SMARCAD1: variants seen among roughly 807,000 people sequenced by gnomAD.
SMARCAD1 encodes SWI/SNF-related matrix-associated actin-dependent regulator of chromatin subfamily A containing DEAD/H box 1.
In SMARCAD1, 25 loss-of-function variants were observed where a neutral mutation model predicts 127.1. The ratio of observed to expected loss-of-function variants is 0.20; its 90% CI spans 0.14 to 0.27. The LOEUF (loss-of-function observed/expected upper bound fraction) is 0.27. Ranked by LOEUF, SMARCAD1 falls within the 10% of genes least tolerant of loss-of-function variation. SMARCAD1 has a pLI of 1.00. For synonymous variants in SMARCAD1, 400 were observed against 396.9 expected, an observed-to-expected ratio of 1.01 and a Z score of -0.09; for missense variants, 807 against 1,206.0, an observed-to-expected ratio of 0.67 and a Z score of 4.90.
In SMARCAD1 at chr4:94,284,905, A is replaced by G; in HGVS notation, c.2910-55A>G. On this transcript the variant is annotated intron_variant, in intron 22 of 23. Transcript: ENST00000354268. ...TTGAACTCTTAAATATAGTTTACAT[A>G]TATCCAAATAACTATATTTAGTAAC... is the stretch of plus-strand genomic sequence containing the variant. 3 of 1,025,150 alleles carry G rather than the reference A, an allele frequency of 2.9e-6. 1 individual carries two copies. The South Asian group carries it at 3.9e-5, about 13-fold the overall frequency. 63.5% of individuals were successfully genotyped at this position (1,025,150 alleles called of 1,614,324 possible). A position where few individuals can be genotyped will look rare whatever the true frequency, so the allele number is the denominator to read the frequency against.
At chr4:94,268,317 T>A (rs992618627) in intron 10 of SMARCAD1, among the ~76,000 whole-genome samples, 1 of 152,188 alleles carries the variant, frequency 6.6e-6, no homozygotes. Flanking sequence ...GACAGTTAAA[T>A]AGACTCTTTT....
chr4:94,241,742 T>C (rs1020422739), intron 6 of SMARCAD1, among the ~76,000 whole-genome samples: 11 of 152,198 alleles, frequency 7.2e-5, no homozygotes, highest in Non-Finnish European at 1.6e-4. Flanking sequence ...CGTTGGCCTC[T>C]GTTCCTTGCA....
intron 20 of SMARCAD1, 143 bp downstream of exon 20, chr4:94,280,923 C>T (rs567747883): frequency 2.6e-5 from 21 of 801,690 alleles, no homozygotes; most frequent in African/African-American, 2.3e-4. Context: ...ATTTTCTTGA[C>T]GTATTTTCTT....
At chr4:94,251,939 C>T (rs886157323) in intron 8 of SMARCAD1, among the ~76,000 whole-genome samples, 2 of 152,154 alleles carry the variant, frequency 1.3e-5, no homozygotes, top group African/African-American at 4.8e-5. Context: ...GCAACCTCCA[C>T]CTCCCAGGTT....
rs922785344 is a variant in SMARCAD1 at position 94,229,456 on chromosome 4, G to C, written c.368+3160G>C. The stretch of plus-strand genomic sequence containing the variant: ...TTTAGTACTATTATTATTCATTTTG[G>C]TGCACAAATTTCTCAGTTTTGGCAG... On this transcript the variant is annotated intron_variant, in intron 3 of 23. Transcript: ENST00000354268. 2.0e-5 allele frequency among the ~76,000 whole-genome samples: 3 copies of C among 151,912 alleles called. No individual in the cohort carries two copies. In the East Asian group the frequency reaches 5.8e-4, roughly 29 times the overall value.
intron 2 of SMARCAD1, among the ~76,000 whole-genome samples, chr4:94,210,062 A>C (rs1741949982): frequency 6.6e-6 from 1 of 152,200 alleles, no homozygotes; most frequent in African/African-American, 2.4e-5. Context: ...GGAATGTTTT[A>C]GTTATTTATC....
intron 9 of SMARCAD1, chr4:94,253,243 T>TA (rs1749545418): frequency 1.3e-6 from 2 of 1,493,644 alleles, no homozygotes; most frequent in Non-Finnish European, 1.8e-6. Context: ...TGGCTGGGAA[T>TA]ACTGTCACTC....
intron 19 of SMARCAD1, among the ~76,000 whole-genome samples, chr4:94,280,037 G>A (rs1753807445): frequency 6.6e-6 from 1 of 151,882 alleles, no homozygotes; most frequent in Non-Finnish European, 1.5e-5. Flanking sequence ...GCTAATTTTT[G>A]TATTTTTAGT....
At chr4:94,253,079 T>C in intron 9 of SMARCAD1, 72 bp downstream of exon 9, 1 of 1,599,024 alleles carries the variant, frequency 6.3e-7, no homozygotes, top group Non-Finnish European at 8.5e-7. Context: ...TATAGTCAAG[T>C]TGTCTTCAGC....
chr4:94,215,357 G>A (rs971426252), intron 2 of SMARCAD1, among the ~76,000 whole-genome samples: 7 of 152,154 alleles, frequency 4.6e-5, no homozygotes, highest in Admixed American at 3.9e-4. Context: ...AGTGGCTCAT[G>A]CCTGTAGAGT....
chr4:94,249,038 C>A (rs1455254736), intron 6 of SMARCAD1, among the ~76,000 whole-genome samples: 2 of 152,104 alleles, frequency 1.3e-5, no homozygotes, highest in African/African-American at 4.8e-5. Flanking sequence ...TAACCAGTTT[C>A]TTCAAGTGAA....
chr4:94,281,407 C>A (rs1754005789), intron 20 of SMARCAD1, 65 bp from the exon 21 acceptor site: 1 of 1,077,362 alleles, frequency 9.3e-7, no homozygotes, highest in Non-Finnish European at 1.4e-6. Context: ...ACTGTTTAAA[C>A]CTGTCAAGGC....
chr4:94,255,764 C>CCACAA (rs1749985277), intron 9 of SMARCAD1, among the ~76,000 whole-genome samples: 1 of 151,246 alleles, frequency 6.6e-6, no homozygotes, highest in Non-Finnish European at 1.5e-5. Flanking sequence ...AGTATATTAC[C>CCACAA]TAAAAGGATA....
chr4:94,270,910 C>G (rs1752455948), intron 11 of SMARCAD1, 92 bp downstream of exon 11: 3 of 1,076,414 alleles, frequency 2.8e-6, no homozygotes, highest in East Asian at 2.5e-5. Context: ...TTTTTTGCTA[C>G]TGTAGTTAAC....
intron 11 of SMARCAD1, among the ~76,000 whole-genome samples, chr4:94,273,241 A>G (rs1752800491): frequency 6.6e-6 from 1 of 152,196 alleles, no homozygotes; most frequent in African/African-American, 2.4e-5. Flanking sequence ...GATTAGGCAT[A>G]TGTTTCCTCC....
At chr4:94,253,716 T>G in intron 9 of SMARCAD1, 1 of 995,292 alleles carries the variant, frequency 1.0e-6, no homozygotes, top group South Asian at 4.3e-5. Flanking sequence ...TGACTTTCTA[T>G]AAACAGGTTG....
At chr4:94,244,489 A>C (rs961882027) in intron 6 of SMARCAD1, among the ~76,000 whole-genome samples, 4 of 152,246 alleles carry the variant, frequency 2.6e-5, no homozygotes, top group African/African-American at 7.2e-5. Context: ...GAATAACCCA[A>C]ATATGAAAGA....
At position 94,290,822 on chromosome 4, in the gene SMARCAD1, G is replaced by A. The variant is rs750869449; in HGVS notation, c.*1288G>A. 58 of 436,500 alleles carry A rather than the reference G, an allele frequency of 1.3e-4. No homozygotes were observed. Among genetic ancestry groups the A allele is most frequent in the South Asian group, 2.0e-4 (12 of 58,578 alleles). 27.0% of individuals were successfully genotyped at this position (436,500 alleles called of 1,614,324 possible). ...TAAATAAACTTATTTATAAATCAAA[G>A]ATTTGTTAATTTTTGGAAATCATGC... On this transcript the variant is annotated 3_prime_UTR_variant, in exon 24 of 24. Transcript: ENST00000354268.
chr4:94,233,372 A>G (rs1263897821), intron 3 of SMARCAD1, among the ~76,000 whole-genome samples: 2 of 152,232 alleles, frequency 1.3e-5, no homozygotes, highest in Non-Finnish European at 2.9e-5. Flanking sequence ...TAAAGGATAA[A>G]CATATGAAGT....
Sources: allele counts gnomAD v4.1 joint callset (sites outside exome capture counted in the v4.1 genomes callset), GRCh38; gene constraint gnomAD v4.1.1; transcripts MANE v1.5; gene names NCBI Gene and HGNC (gene_info 2026-07-23, HGNC 2026-07-21).